The following CALHM4 variants were observed in gnomAD, a reference collection of about 807,000 sequenced individuals.
The protein encoded by CALHM4 is calcium homeostasis modulator protein 4.
In CALHM4, 16 loss-of-function variants were observed where a neutral mutation model predicts 13.3. That is an observed-to-expected ratio of 1.20 (90% confidence interval 0.81 to 1.82). The LOEUF (loss-of-function observed/expected upper bound fraction) is 1.82. CALHM4 is among the 40% of genes most tolerant of loss of function. The probability of loss-of-function intolerance (pLI) is 0.00; values close to 1 mark genes in which losing one functional copy is unlikely to be tolerated. For synonymous variants in CALHM4, 127 were observed against 137.1 expected (o/e 0.93, Z 0.52); for missense variants, 344 against 374.9 (o/e 0.92, Z 0.68).
At chr6:116,545,118 C>CATAT (rs1474661939) in intron 2 of CALHM4, among the ~76,000 whole-genome samples, 209 of 149,934 alleles carry the variant, frequency 1.4e-3, no homozygotes, top group African/African-American at 4.3e-3. Context: ...TATATATATA[C>CATAT]ATACATACAT....
intron 1 of CALHM4, among the ~76,000 whole-genome samples, chr6:116,533,532 G>C (rs1583284693): frequency 6.6e-6 from 1 of 152,204 alleles, no homozygotes; most frequent in East Asian, 1.9e-4. Flanking sequence ...AGGTAGGATA[G>C]GGTCAAACGT....
Position 116,558,372 on chromosome 6 carries a change from A to G in CALHM4, c.*161A>G. The G allele has an allele frequency of 1.1e-6, 1 of 878,018 alleles. No individual in the cohort carries two copies. The highest frequency in any genetic ancestry group is 1.6e-6 in the Non-Finnish European group (1 of 614,730). The allele number at this position is 878,018 out of a possible 1,614,324, so 54.4% of individuals were successfully genotyped here. A position where few individuals can be genotyped will look rare whatever the true frequency, so the allele number is the denominator to read the frequency against. ...ATTATTTCTAAAATCAATCTATTAG[A>G]TAATTGTGCCAATCTCTCATTTTGA... is the stretch of plus-strand genomic sequence containing the variant. On this transcript the variant is annotated 3_prime_UTR_variant, in exon 2 of 2. Transcript: ENST00000368596.
At chr6:116,539,802 T>C (rs572593915) in intron 1 of CALHM4, among the ~76,000 whole-genome samples, 1 of 152,314 alleles carries the variant, frequency 6.6e-6, no homozygotes, top group East Asian at 1.9e-4. Flanking sequence ...TAGGCCAAGA[T>C]TTTTAAAGGC....
At chr6:116,536,524 A>G (rs533093524) in intron 1 of CALHM4, among the ~76,000 whole-genome samples, 2 of 152,330 alleles carry the variant, frequency 1.3e-5, no homozygotes, top group South Asian at 2.1e-4. Context: ...CTGTTCCTAC[A>G]TGTAGTCTTT....
chr6:116,557,235 C>A (rs1423227624), intron 1 of CALHM4, among the ~76,000 whole-genome samples: 2 of 152,110 alleles, frequency 1.3e-5, no homozygotes, highest in Non-Finnish European at 2.9e-5. Flanking sequence ...CCACACCCAG[C>A]CAACTATGCT....
At chr6:116,542,577 C>A (rs1427281441) in intron 1 of CALHM4, among the ~76,000 whole-genome samples, 1 of 151,952 alleles carries the variant, frequency 6.6e-6, no homozygotes, top group Non-Finnish European at 1.5e-5. Flanking sequence ...TTAAAAAGCT[C>A]AAAAACCATT....
In CALHM4 at chr6:116,559,839, C is replaced by T. The variant is rs550717769; in HGVS notation, c.*1628C>T. Among the ~76,000 whole-genome samples the T allele has an allele frequency of 1.2e-4, 18 of 152,256 alleles. No individual in the cohort carries two copies. The highest frequency in any genetic ancestry group is 3.6e-4 in the African/African-American group (15 of 41,558). On this transcript the variant is annotated 3_prime_UTR_variant, in exon 2 of 2. Transcript: ENST00000368596. ...TCTTTCTGAAATGGTAGTAGACCCA[C>T]GTTGCTTCTCTTGGAAGGAAAATGT... is the stretch of plus-strand genomic sequence containing the variant.
chr6:116,536,690 G>A (rs1455722920), intron 1 of CALHM4, among the ~76,000 whole-genome samples: 14 of 152,180 alleles, frequency 9.2e-5, no homozygotes, highest in Non-Finnish European at 2.9e-5. Context: ...TAGGTGCTCA[G>A]TACTTGAGAC....
chr6:116,542,993 G>A (rs1773557492), intron 1 of CALHM4, among the ~76,000 whole-genome samples: 1 of 151,938 alleles, frequency 6.6e-6, no homozygotes, highest in Non-Finnish European at 1.5e-5. Flanking sequence ...CCCTCATGTT[G>A]TTAATAGAAT....
In CALHM4 at chr6:116,554,176, A is replaced by G. The variant is rs1774204473; in HGVS notation, c.383A>G (p.Tyr128Cys). 1 of 1,550,406 alleles carries G rather than the reference A, an allele frequency of 6.4e-7. No homozygotes were observed. Among genetic ancestry groups the G allele is most frequent in the African/African-American group, 1.4e-5 (1 of 72,986 alleles). Residue 128 changes from tyrosine (Y) to cysteine (C), a missense_variant, in exon 1 of 2, where the codon TAT becomes TGT. Physicochemically the swap from Tyr to Cys is radical, Grantham distance 194 (BLOSUM62 -2). Transcript: ENST00000368596. ...WLAVTLLTGTYYECAASEFAS... is the reference protein window; with the variant it reads ...WLAVTLLTGTCYECAASEFAS... ...GCGGTGACCCTGCTGACAGGCACGT[A>G]TTATGAATGTGCAGCAAGTGAATTT...
chr6:116,542,003 A>C (rs1170736230), intron 1 of CALHM4, among the ~76,000 whole-genome samples: 2 of 152,176 alleles, frequency 1.3e-5, no homozygotes, highest in African/African-American at 4.8e-5. Context: ...CATATTTGTT[A>C]AATGTGTACT....
intron 1 of CALHM4, among the ~76,000 whole-genome samples, chr6:116,531,382 G>GA (rs1772714419): frequency 6.6e-6 from 1 of 152,014 alleles, no homozygotes; most frequent in Non-Finnish European, 1.5e-5. Context: ...TGGAGAGAAG[G>GA]AAAAGAAAAA....
In CALHM4 at chr6:116,554,016, T is replaced by C; in HGVS notation, c.223T>C (p.Trp75Arg). 6 of 1,550,688 alleles carry C rather than the reference T, an allele frequency of 3.9e-6. No homozygotes were observed. The highest frequency in any genetic ancestry group is 1.2e-5 in the South Asian group (1 of 84,064). The change falls in exon 1 of 2, where the codon TGG becomes CGG. Residue 75 changes from tryptophan to arginine, a missense_variant. Transcript: ENST00000368596. ...VAGFALRSQM[W>R]TITGEYCCSC... The stretch of plus-strand genomic sequence containing the variant: ...TGGCTTTGCTCTGAGAAGCCAAATG[T>C]GGACAATTACCGGTGAATACTGCTG...
intron 2 of CALHM4, among the ~76,000 whole-genome samples, chr6:116,545,084 TAATC>T (rs1447602904): frequency 6.6e-6 from 1 of 151,286 alleles, no homozygotes; most frequent in Non-Finnish European, 1.5e-5. Flanking sequence ...GTTTTACACA[TAATC>T]AACTATATAT....
At chr6:116,546,415 G>C (rs1773785439) in intron 2 of CALHM4, among the ~76,000 whole-genome samples, 2 of 152,230 alleles carry the variant, frequency 1.3e-5, no homozygotes. Flanking sequence ...GGAAAACTCA[G>C]TTTAGGAAAG....
In CALHM4 at chr6:116,540,474, G is replaced by T. The variant is rs1291157598; in HGVS notation, c.-108-3291G>T. ...CAATGCCGTAACCCCTGTGGATGACGGAAAGAGTGTGGTCTGAAAATTCTA... is the reference window on the plus strand; with the variant it reads ...CAATGCCGTAACCCCTGTGGATGACTGAAAGAGTGTGGTCTGAAAATTCTA... On this transcript the variant is annotated intron_variant, in intron 1 of 2. Coordinates refer to the CALHM4 transcript ENST00000368597. 2.6e-6 allele frequency: 4 copies of T among 1,549,566 alleles called. No homozygotes were observed. The South Asian group carries it at 4.8e-5, about 19-fold the overall frequency.
intron 1 of CALHM4, among the ~76,000 whole-genome samples, chr6:116,535,578 G>A (rs1437911247): frequency 6.6e-6 from 1 of 151,988 alleles, no homozygotes; most frequent in Admixed American, 6.6e-5. Flanking sequence ...AGGTTTTTTG[G>A]CTCTTTGACC....
chr6:116,547,154 G>A (rs1210115957), intron 2 of CALHM4, among the ~76,000 whole-genome samples: 2 of 152,180 alleles, frequency 1.3e-5, no homozygotes, highest in Non-Finnish European at 2.9e-5. Context: ...CTCTAATTAT[G>A]TTAGAGCAAA....
At chr6:116,543,900 A>G in intron 2 of CALHM4, 2 of 1,481,706 alleles carry the variant, frequency 1.3e-6, no homozygotes, top group Non-Finnish European at 1.8e-6. Context: ...TTACTTAGAG[A>G]AAAAAGGGGA....
Sources: gnomAD v4.1 joint callset for allele counts (sites outside exome capture counted in the v4.1 genomes callset) on GRCh38, gnomAD v4.1.1 for gene constraint, MANE v1.5 for transcripts, NCBI Gene and HGNC (gene_info 2026-07-23, HGNC 2026-07-21) for gene names.